Variants in PRICKLE1 observed in about 807,000 individuals in gnomAD.
The protein encoded by PRICKLE1 is prickle planar cell polarity protein 1, also known as prickle-like protein 1.
In PRICKLE1, 14 loss-of-function variants were observed where a neutral mutation model predicts 70.2. The observed-to-expected ratio is 0.20, with a 90% CI of 0.13 to 0.31. PRICKLE1 has a LOEUF of 0.31. PRICKLE1 is among the 10% of genes least tolerant of loss of function. The pLI is 1.00. For synonymous variants in PRICKLE1, 357 were observed against 379.9 expected, an observed-to-expected ratio of 0.94 and a Z score of 0.70; for missense variants, 821 against 1,026.2, an observed-to-expected ratio of 0.80 and a Z score of 2.73.
intron 1 of PRICKLE1, among the ~76,000 whole-genome samples, chr12:42,489,150 T>C: frequency 6.6e-6 from 1 of 151,166 alleles, no homozygotes; most frequent in African/African-American, 2.4e-5. Flanking sequence ...CTCGAACTCC[T>C]GACCTCAGGT....
At chr12:42,489,269 C>T (rs1284912540) in intron 1 of PRICKLE1, among the ~76,000 whole-genome samples, 1 of 150,198 alleles carries the variant, frequency 6.7e-6, no homozygotes, top group African/African-American at 2.5e-5. Context: ...GTCACCAGAC[C>T]CTATAAATAT....
At chr12:42,514,895 A>ATCTG (rs1555235187) in intron 1 of PRICKLE1, among the ~76,000 whole-genome samples, 14 of 69,904 alleles carry the variant, frequency 2.0e-4, no homozygotes, top group Non-Finnish European at 2.3e-4. Flanking sequence ...CGCTCTATCT[A>ATCTG]TCTATCTATC....
At chr12:42,532,865 C>G (rs1939945289) in intron 1 of PRICKLE1, among the ~76,000 whole-genome samples, 1 of 149,648 alleles carries the variant, frequency 6.7e-6, no homozygotes, top group Non-Finnish European at 1.5e-5. Context: ...TCACTGCACT[C>G]CAGCCTGGGC....
intron 1 of PRICKLE1, among the ~76,000 whole-genome samples, chr12:42,489,393 C>T (rs1036687067): frequency 1.3e-5 from 2 of 151,340 alleles, no homozygotes; most frequent in African/African-American, 4.8e-5. Context: ...GGCGCAGTGG[C>T]TCATGCCTGT....
chr12:42,474,117 C>A (rs751461225), intron 1 of PRICKLE1, among the ~76,000 whole-genome samples: 1 of 151,900 alleles, frequency 6.6e-6, no homozygotes, highest in Non-Finnish European at 1.5e-5. Context: ...ACTAAAAACA[C>A]AAAAATTAGC....
rs530802261 is a variant in PRICKLE1 at position 42,566,186 on chromosome 12, G to T, written c.-49+23279C>A. On this transcript the variant is annotated intron_variant, in intron 1 of 7. Transcript: ENST00000345127. Reference sequence around the variant, plus strand: ...GGAAGAGGCCAGAAGCCTGGATTTAGGTGGGTTATTGAATGGGACGAAAGA... The same window carrying T: ...GGAAGAGGCCAGAAGCCTGGATTTATGTGGGTTATTGAATGGGACGAAAGA... 2.0e-4 allele frequency among the ~76,000 whole-genome samples: 30 copies of T among 152,280 alleles called. 1 individual carries two copies. In the South Asian group the frequency reaches 6.2e-3, roughly 32 times the overall value.
intron 1 of PRICKLE1, among the ~76,000 whole-genome samples, chr12:42,571,157 C>G (rs1325958081): frequency 6.6e-6 from 1 of 151,826 alleles, no homozygotes; most frequent in Non-Finnish European, 1.5e-5. Flanking sequence ...CACTGAGAAA[C>G]AGAGACTAAA....
At chr12:42,530,778 C>G (rs1295345493) in intron 1 of PRICKLE1, among the ~76,000 whole-genome samples, 2 of 146,982 alleles carry the variant, frequency 1.4e-5, no homozygotes, top group African/African-American at 5.0e-5. Context: ...CCTCTGCCTC[C>G]CGGGTTCCAG....
intron 1 of PRICKLE1, among the ~76,000 whole-genome samples, chr12:42,561,516 G>A (rs1940512412): frequency 6.6e-6 from 1 of 152,168 alleles, no homozygotes; most frequent in South Asian, 2.1e-4. Context: ...GTTATTTACT[G>A]TAGAAAGGTT....
chr12:42,571,973 A>C (rs1228600281), intron 1 of PRICKLE1, among the ~76,000 whole-genome samples: 1 of 152,218 alleles, frequency 6.6e-6, no homozygotes, highest in African/African-American at 2.4e-5. Context: ...TGAATGAACA[A>C]ATGAATGAAT....
intron 1 of PRICKLE1, among the ~76,000 whole-genome samples, chr12:42,509,100 G>A (rs1939468631): frequency 6.6e-6 from 1 of 152,198 alleles, no homozygotes; most frequent in Admixed American, 6.5e-5. Context: ...TCTGGGCCCT[G>A]TACTCGCAGA....
intron 1 of PRICKLE1, among the ~76,000 whole-genome samples, chr12:42,567,385 A>G (rs112165348): frequency 6.6e-6 from 1 of 152,298 alleles, no homozygotes; most frequent in Non-Finnish European, 1.5e-5. Flanking sequence ...TTGCCAGATT[A>G]TTTCTGGAGT....
chr12:42,552,665 G>C (rs1940336838), intron 1 of PRICKLE1, among the ~76,000 whole-genome samples: 1 of 152,206 alleles, frequency 6.6e-6, no homozygotes, highest in South Asian at 2.1e-4. Flanking sequence ...TTAAGAGTTG[G>C]GCACAGAGCG....
intron 1 of PRICKLE1, among the ~76,000 whole-genome samples, chr12:42,570,636 A>G (rs776526788): frequency 4.6e-5 from 7 of 152,172 alleles, no homozygotes; most frequent in African/African-American, 1.7e-4. Context: ...CCTGGCCAAC[A>G]TGATGAAATC....
chr12:42,545,573 G>C (rs1479084647), intron 1 of PRICKLE1, among the ~76,000 whole-genome samples: 2 of 152,188 alleles, frequency 1.3e-5, no homozygotes, highest in Non-Finnish European at 2.9e-5. Flanking sequence ...TTGGGACTGG[G>C]TGCGGTGGCT....
At position 42,545,658 on chromosome 12, in the gene PRICKLE1, G is replaced by A. The variant is rs143930074; in HGVS notation, c.-49+43807C>T. Among the ~76,000 whole-genome samples, 1,129 of 152,142 alleles carry A rather than the reference G, an allele frequency of 7.4e-3. 5 individuals carry two copies. Among genetic ancestry groups the A allele is most frequent in the Non-Finnish European group, 0.012 (811 of 68,006 alleles). ...GAAGTCAGGAGTTTGAGACCAGCCT[G>A]GCCAAAATGGTGAAACTCTATCTCT... On this transcript the variant is annotated intron_variant, in intron 1 of 7. Transcript: ENST00000345127.
At chr12:42,473,527 T>A (rs563721708) in intron 1 of PRICKLE1, among the ~76,000 whole-genome samples, 1 of 152,278 alleles carries the variant, frequency 6.6e-6, no homozygotes, top group African/African-American at 2.4e-5. Context: ...ATTATTAAAA[T>A]CATCCCTCAT....
chr12:42,467,887 G>T (rs545646292), intron 5 of PRICKLE1, among the ~76,000 whole-genome samples: 1 of 152,144 alleles, frequency 6.6e-6, no homozygotes, highest in Non-Finnish European at 1.5e-5. Flanking sequence ...AAGATACAAC[G>T]AGTAAATGCA....
At chr12:42,577,947 C>A (rs1940829288) in intron 1 of PRICKLE1, among the ~76,000 whole-genome samples, 1 of 152,150 alleles carries the variant, frequency 6.6e-6, no homozygotes, top group Non-Finnish European at 1.5e-5. Context: ...ACCAAAGCTC[C>A]TTAGGAAGCT....
Sources: allele counts gnomAD v4.1 joint callset (sites outside exome capture counted in the v4.1 genomes callset), GRCh38; gene constraint gnomAD v4.1.1; transcripts MANE v1.5; gene names NCBI Gene and HGNC (gene_info 2026-07-23, HGNC 2026-07-21).